The following MPPED2 variants were observed in gnomAD, a reference collection of about 807,000 sequenced individuals.
MPPED2 encodes metallophosphoesterase domain containing 2, also known as metallophosphoesterase MPPED2.
A neutral mutation model predicts 33.0 loss-of-function variants in MPPED2; 5 were observed. That is an observed-to-expected ratio of 0.15 (90% CI 0.08 to 0.32). The LOEUF is 0.32. MPPED2 is among the 10% of genes least tolerant of loss of function. MPPED2 has a pLI of 1.00. For synonymous variants in MPPED2, 136 were observed against 141.9 expected (o/e 0.96, Z 0.29); for missense variants, 275 against 372.1 (o/e 0.74, Z 2.15).
At chr11:30,517,101 T>C (rs1310450583) in intron 3 of MPPED2, among the ~76,000 whole-genome samples, 1 of 152,186 alleles carries the variant, frequency 6.6e-6, no homozygotes, top group Admixed American at 6.6e-5. Context: ...CTGCTAATCT[T>C]TATGATGGGA....
intron 4 of MPPED2, among the ~76,000 whole-genome samples, chr11:30,443,472 A>T (rs565289135): frequency 6.6e-6 from 1 of 151,854 alleles, no homozygotes; most frequent in East Asian, 1.9e-4. Flanking sequence ...CTTATATATC[A>T]CTTTCTCATT....
At chr11:30,554,424 TG>T (rs1955870146) in intron 2 of MPPED2, among the ~76,000 whole-genome samples, 1 of 152,192 alleles carries the variant, frequency 6.6e-6, no homozygotes, top group South Asian at 2.1e-4. Context: ...GGTAGTCTCC[TG>T]TTTTAAAATT....
intron 2 of MPPED2, among the ~76,000 whole-genome samples, chr11:30,546,092 T>C (rs1401499946): frequency 3.9e-5 from 6 of 152,194 alleles, no homozygotes; most frequent in Admixed American, 3.9e-4. Context: ...AGTGCTGGGA[T>C]TACAGACATG....
intron 3 of MPPED2, among the ~76,000 whole-genome samples, chr11:30,534,248 C>T (rs773333387): frequency 1.3e-5 from 2 of 152,066 alleles, no homozygotes; most frequent in African/African-American, 2.4e-5. Flanking sequence ...CAACGCAGCT[C>T]GATAATTTCT....
intron 1 of MPPED2, chr11:30,584,261 C>T (rs1042445183): frequency 1.3e-5 from 2 of 151,750 alleles, no homozygotes; most frequent in African/African-American, 2.4e-5. Flanking sequence ...GCGGAATTCT[C>T]TACTTTGGAT....
intron 4 of MPPED2, among the ~76,000 whole-genome samples, chr11:30,418,900 T>C (rs747741116): frequency 6.6e-6 from 1 of 152,294 alleles, no homozygotes; most frequent in Non-Finnish European, 1.5e-5. Flanking sequence ...AGAATGGTCA[T>C]TGAAAGCCAT....
At chr11:30,581,241 C>T (rs528912671) in intron 1 of MPPED2, among the ~76,000 whole-genome samples, 2 of 152,148 alleles carry the variant, frequency 1.3e-5, no homozygotes, top group African/African-American at 2.4e-5. Flanking sequence ...CCCGATGGAG[C>T]GGTAAAGAAG....
intron 3 of MPPED2, among the ~76,000 whole-genome samples, chr11:30,522,613 G>A (rs1238497735): frequency 2.6e-5 from 4 of 152,148 alleles, no homozygotes; most frequent in Non-Finnish European, 5.9e-5. Flanking sequence ...CATTTAACAG[G>A]CCTGATGCGA....
chr11:30,545,991 C>G (rs1479030980), intron 2 of MPPED2, among the ~76,000 whole-genome samples: 1 of 152,176 alleles, frequency 6.6e-6, no homozygotes, highest in Non-Finnish European at 1.5e-5. Context: ...TCCTGAGTAG[C>G]TGGGACTGCA....
At chr11:30,580,999 C>T (rs1383369087) in intron 1 of MPPED2, among the ~76,000 whole-genome samples, 1 of 152,212 alleles carries the variant, frequency 6.6e-6, no homozygotes, top group Non-Finnish European at 1.5e-5. Flanking sequence ...CTATAACATG[C>T]ACATAATAAC....
At chr11:30,476,859 A>C (rs1312974940) in intron 4 of MPPED2, among the ~76,000 whole-genome samples, 1 of 152,046 alleles carries the variant, frequency 6.6e-6, no homozygotes, top group Non-Finnish European at 1.5e-5. Flanking sequence ...GTTCGCAAAC[A>C]TAATATATCT....
intron 2 of MPPED2, among the ~76,000 whole-genome samples, chr11:30,570,640 C>T (rs1436500056): frequency 1.3e-5 from 2 of 152,124 alleles, no homozygotes; most frequent in Non-Finnish European, 2.9e-5. Context: ...AGTAAAATGC[C>T]TATGTCATAG....
At chr11:30,487,666 G>C (rs1435736665) in intron 4 of MPPED2, among the ~76,000 whole-genome samples, 2 of 151,860 alleles carry the variant, frequency 1.3e-5, no homozygotes, top group African/African-American at 4.8e-5. Context: ...TGTAGAGATG[G>C]GGCCTCACTA....
chr11:30,550,326 C>A (rs1329933162), intron 2 of MPPED2, among the ~76,000 whole-genome samples: 2 of 152,182 alleles, frequency 1.3e-5, no homozygotes, highest in Non-Finnish European at 2.9e-5. Context: ...AGGAAACACA[C>A]TGAGTATCTT....
At chr11:30,499,345 G>T (rs887138678) in intron 3 of MPPED2, among the ~76,000 whole-genome samples, 19 of 152,110 alleles carry the variant, frequency 1.2e-4, no homozygotes, top group Non-Finnish European at 2.4e-4. Flanking sequence ...TGGAATATTT[G>T]TGTTACACTG....
At position 30,586,263 on chromosome 11, in the gene MPPED2, C is replaced by T. The variant is rs980460901; in HGVS notation, c.-343G>A. 6.5e-6 allele frequency: 1 copy of T among 153,122 alleles called. No homozygotes were observed. Among genetic ancestry groups the T allele is most frequent in the East Asian group, 1.9e-4 (1 of 5,184 alleles). The allele number at this position is 153,122 out of a possible 1,614,324, so 9.5% of individuals were successfully genotyped here. ...GAGGGAGGCGGGGGGAGAAAGGACC[C>T]GAGCAGCCTCGATCTGGGGAGAGAG... On this transcript the variant is annotated 5_prime_UTR_variant, in exon 1 of 7. Transcript: ENST00000358117. This position sits in a 1 kb window ranked among gnomAD's most constrained non-coding sequence, Gnocchi z 4.8.
intron 6 of MPPED2, among the ~76,000 whole-genome samples, chr11:30,412,724 A>C (rs1379763671): frequency 6.6e-6 from 1 of 152,206 alleles, no homozygotes; most frequent in Non-Finnish European, 1.5e-5. Flanking sequence ...CAGCTGTCTT[A>C]AGTGAATAAA....
chr11:30,529,570 T>A (rs530358427), intron 3 of MPPED2, among the ~76,000 whole-genome samples: 1 of 152,274 alleles, frequency 6.6e-6, no homozygotes, highest in East Asian at 1.9e-4. Flanking sequence ...TCTACATGAA[T>A]TCACACTAAT....
chr11:30,533,225 T>A (rs935923501), intron 3 of MPPED2, among the ~76,000 whole-genome samples: 1 of 152,130 alleles, frequency 6.6e-6, no homozygotes, highest in African/African-American at 2.4e-5. Context: ...ACATACTAAA[T>A]GACCTTGGGT....
Sources: allele counts gnomAD v4.1 joint callset (sites outside exome capture counted in the v4.1 genomes callset), GRCh38; gene constraint gnomAD v4.1.1; non-coding constraint Gnocchi (gnomAD v3.1); transcripts MANE v1.5; gene names NCBI Gene and HGNC (gene_info 2026-07-23, HGNC 2026-07-21).